Variants in SMC6 observed in about 807,000 individuals in gnomAD.
SMC6 encodes structural maintenance of chromosomes 6.
Under a neutral mutation model 142.2 loss-of-function variants are expected in SMC6, and 79 were observed. That is an observed-to-expected ratio of 0.56 (90% CI 0.46 to 0.67). SMC6 has a LOEUF of 0.67. SMC6 is among the 30% of genes least tolerant of loss of function. SMC6 has a pLI of 0.00. For missense variants in SMC6, 1,072 were observed against 1,284.0 expected (o/e 0.83, Z 2.52); for synonymous variants, 411 against 412.4 (o/e 1.00, Z 0.04).
At chr2:17,682,068 A>T (rs571855893) in intron 24 of SMC6, 2 of 152,324 alleles carry the variant, frequency 1.3e-5, no homozygotes, top group South Asian at 2.1e-4. Flanking sequence ...TTTATGTAGT[A>T]ATAGAGATTG....
intron 9 of SMC6, among the ~76,000 whole-genome samples, chr2:17,722,447 CT>C (rs1283825423): frequency 6.6e-6 from 1 of 152,154 alleles, no homozygotes; most frequent in Admixed American, 6.5e-5. Flanking sequence ...ACTTGCTCAT[CT>C]TTCCAACTTA....
intron 25 of SMC6, 31 bp downstream of exon 25, chr2:17,678,828 T>A: frequency 6.9e-7 from 1 of 1,439,792 alleles, no homozygotes; most frequent in African/African-American, 1.4e-5. Flanking sequence ...GTTTTTCTAA[T>A]GATTAGGATG....
chr2:17,747,962 AAC>A (rs1670838831), intron 2 of SMC6, among the ~76,000 whole-genome samples: 1 of 152,200 alleles, frequency 6.6e-6, no homozygotes, highest in Non-Finnish European at 1.5e-5. Context: ...TTATCATTAA[AAC>A]AGTTTTGGCC....
chr2:17,706,796 G>C (rs1182772876), intron 18 of SMC6, among the ~76,000 whole-genome samples: 1 of 152,030 alleles, frequency 6.6e-6, no homozygotes, highest in Non-Finnish European at 1.5e-5. Context: ...CTTCTTTCTA[G>C]AACTGTGCAC....
chr2:17,731,649 G>A, intron 6 of SMC6, 92 bp downstream of exon 6: 1 of 1,238,444 alleles, frequency 8.1e-7, no homozygotes, highest in Non-Finnish European at 1.1e-6. Context: ...CATGTTACAA[G>A]GAAGATAGTT....
In SMC6 at chr2:17,700,353, C is replaced by T. The variant is rs978083277; in HGVS notation, c.2249G>A (p.Ser750Asn). ...TLEDEAQENKSKMKMVEEHME... is the reference protein window; with the variant it reads ...TLEDEAQENKNKMKMVEEHME... ...ATGTTCCTCAACCATTTTCATTTTG[C>T]TTTTATTTTCCTGAGCTTCATCTTC... The change falls in exon 21 of 28, where the codon AGC (serine) becomes AAC (asparagine). Residue 750 changes from serine (S) to asparagine (N), a missense_variant. Physicochemically the swap from Ser to Asn is conservative, Grantham distance 46. Transcript: ENST00000448223. 2.5e-6 allele frequency: 4 copies of T among 1,604,616 alleles called. No homozygotes were observed. The highest frequency in any genetic ancestry group is 2.2e-5 in the South Asian group (2 of 88,980).
At position 17,707,997 on chromosome 2, in the gene SMC6, T is replaced by C. The variant is rs895161503; in HGVS notation, c.1846-618A>G. Among the ~76,000 whole-genome samples, 699 of 148,590 alleles carry C rather than the reference T, an allele frequency of 4.7e-3. 3 individuals carry two copies. Among genetic ancestry groups the C allele is most frequent in the Admixed American group, 0.02 (289 of 14,792 alleles). On this transcript the variant is annotated intron_variant, in intron 17 of 27. Transcript: ENST00000448223. Reference sequence around the variant, plus strand: ...ATGAACATATGTATATGTATATATATACACACACACACACACACACACACA... The same window carrying C: ...ATGAACATATGTATATGTATATATACACACACACACACACACACACACACA...
chr2:17,667,279 A>T (rs563598111), intron 26 of SMC6, among the ~76,000 whole-genome samples: 48 of 152,322 alleles, frequency 3.2e-4, no homozygotes, highest in African/African-American at 1.2e-3. Context: ...GCCTCTCCCC[A>T]TTACCTCTAC....
intron 26 of SMC6, among the ~76,000 whole-genome samples, chr2:17,668,621 G>T (rs1360204398): frequency 6.6e-6 from 1 of 152,002 alleles, no homozygotes; most frequent in East Asian, 1.9e-4. Flanking sequence ...TTGATGTAAG[G>T]TGGTGCAAAG....
chr2:17,735,221 T>C (rs1670094686), intron 5 of SMC6, among the ~76,000 whole-genome samples: 1 of 152,150 alleles, frequency 6.6e-6, no homozygotes, highest in South Asian at 2.1e-4. Flanking sequence ...GATGCTCAAT[T>C]TGGGTCAACA....
chr2:17,741,781 A>G, intron 3 of SMC6, 52 bp from the exon 4 acceptor site: 1 of 1,229,558 alleles, frequency 8.1e-7, no homozygotes, highest in South Asian at 1.4e-5. Flanking sequence ...CACTCATTAT[A>G]ACCATTCAAG....
At chr2:17,671,189 C>G (rs1666743247) in intron 25 of SMC6, among the ~76,000 whole-genome samples, 12 of 151,934 alleles carry the variant, frequency 7.9e-5, no homozygotes, top group Admixed American at 7.9e-4. Flanking sequence ...ACTTAAGCTT[C>G]AAACATTTAA....
intron 25 of SMC6, among the ~76,000 whole-genome samples, chr2:17,678,220 A>G (rs552354576): frequency 2.0e-5 from 3 of 152,304 alleles, no homozygotes; most frequent in African/African-American, 7.2e-5. Context: ...TACTTTCCAT[A>G]AAGTCCCAAA....
chr2:17,731,243 C>T, intron 6 of SMC6, 104 bp from the exon 7 acceptor site: 1 of 742,944 alleles, frequency 1.3e-6, no homozygotes, highest in Admixed American at 2.6e-5. Flanking sequence ...GCTTTCATTG[C>T]ATCATCAAGA....
At chr2:17,677,342 C>G (rs1175264591) in intron 25 of SMC6, among the ~76,000 whole-genome samples, 1 of 152,150 alleles carries the variant, frequency 6.6e-6, no homozygotes, top group African/African-American at 2.4e-5. Context: ...TCATTCATAA[C>G]TGTTCCTTGG....
At position 17,683,622 on chromosome 2, in the gene SMC6, T is replaced by C; in HGVS notation, c.2804+16A>G. Reference sequence around the variant, plus strand: ...AAAAATGTATAATATATAGTAACATTTTTCAATGTACTTACCTTCTAAATT... The same window carrying C: ...AAAAATGTATAATATATAGTAACATCTTTCAATGTACTTACCTTCTAAATT... On this transcript the variant is annotated intron_variant, in intron 24 of 27. Coordinates refer to ENST00000448223, the MANE Select transcript of SMC6 (RefSeq NM_001142286.2). 6.3e-7 allele frequency: 1 copy of C among 1,591,380 alleles called. No homozygotes were observed. The highest frequency in any genetic ancestry group is 8.6e-7 in the Non-Finnish European group (1 of 1,169,042).
intron 2 of SMC6, among the ~76,000 whole-genome samples, chr2:17,750,183 CTCAA>C (rs1670953937): frequency 6.6e-6 from 1 of 152,024 alleles, no homozygotes; most frequent in South Asian, 2.1e-4. Context: ...CATCCTGTGG[CTCAA>C]TATAGAAGAT....
At chr2:17,733,839 A>G (rs898307223) in intron 5 of SMC6, among the ~76,000 whole-genome samples, 4 of 152,262 alleles carry the variant, frequency 2.6e-5, no homozygotes, top group Non-Finnish European at 5.9e-5. Flanking sequence ...GACAGAAAAC[A>G]TAAGATCACT....
chr2:17,670,371 A>G (rs1052963741), intron 26 of SMC6, 52 bp downstream of exon 26: 2 of 1,547,172 alleles, frequency 1.3e-6, no homozygotes, highest in Admixed American at 1.9e-5. Context: ...TTAGAAATAC[A>G]TGTTTCAAAC....
Sources: gnomAD v4.1 joint callset for allele counts (sites outside exome capture counted in the v4.1 genomes callset) on GRCh38, gnomAD v4.1.1 for gene constraint, MANE v1.5 for transcripts, NCBI Gene and HGNC (gene_info 2026-07-23, HGNC 2026-07-21) for gene names.